Variants in TMCC1 observed in about 807,000 individuals in gnomAD.
TMCC1 encodes the protein transmembrane and coiled-coil domain family 1.
A neutral mutation model predicts 52.4 loss-of-function variants in TMCC1; 15 were observed. That is an observed-to-expected ratio of 0.29 (90% CI 0.19 to 0.44). The LOEUF (loss-of-function observed/expected upper bound fraction) is 0.44. TMCC1 is among the 20% of genes least tolerant of loss of function. The pLI, the probability that TMCC1 is intolerant of heterozygous loss-of-function variation, is 1.00. For missense variants in TMCC1, 503 were observed against 806.0 expected (o/e 0.62, Z 4.55); for synonymous variants, 279 against 301.9 (o/e 0.92, Z 0.79).
chr3:129,878,559 C>T (rs997873387), intron 2 of TMCC1, among the ~76,000 whole-genome samples: 10 of 152,308 alleles, frequency 6.6e-5, no homozygotes, highest in African/African-American at 2.4e-4. Context: ...ACCTTGATTA[C>T]AGTAATAGGC....
chr3:129,875,127 G>A (rs553019217), intron 2 of TMCC1, among the ~76,000 whole-genome samples: 3 of 151,768 alleles, frequency 2.0e-5, no homozygotes, highest in Non-Finnish European at 4.4e-5. Flanking sequence ...ATCTAAGGTA[G>A]GCGGATCACT....
intron 4 of TMCC1, among the ~76,000 whole-genome samples, chr3:129,681,467 G>A (rs2088975309): frequency 6.6e-6 from 1 of 151,594 alleles, no homozygotes. Flanking sequence ...TTTTCAGTAG[G>A]GAACTAACAT....
At chr3:129,840,326 CAAAAAAAAA>C (rs368685429) in intron 2 of TMCC1, among the ~76,000 whole-genome samples, 1 of 88,292 alleles carries the variant, frequency 1.1e-5, no homozygotes, top group Non-Finnish European at 2.0e-5. Context: ...GAACCTGTCT[CAAAAAAAAA>C]AAAAAAAAAG....
chr3:129,827,728 A>G, intron 4 of TMCC1, 75 bp downstream of exon 4: 1 of 1,502,216 alleles, frequency 6.7e-7, no homozygotes. Flanking sequence ...CTTTTTAGTT[A>G]CCAAAGGAAA....
chr3:129,675,861 C>T (rs555396518), intron 4 of TMCC1, among the ~76,000 whole-genome samples: 29 of 151,908 alleles, frequency 1.9e-4, no homozygotes, highest in Admixed American at 1.6e-3. Context: ...CACGGTGAAA[C>T]CCCATCTCTA....
chr3:129,875,361 C>T (rs1158833004), intron 2 of TMCC1, among the ~76,000 whole-genome samples: 2 of 151,344 alleles, frequency 1.3e-5, no homozygotes, highest in African/African-American at 2.4e-5. Context: ...GTGAGGTAGC[C>T]GGCGCCTGTA....
At position 129,721,689 on chromosome 3, in the gene TMCC1, A is replaced by G. The variant is rs914113102; in HGVS notation, c.577-50425T>C. Reference sequence around the variant, plus strand: ...TCCTGGCTAACACCGTGAAACCCCAACTCTACTAAAAATACAAAAAAAAAA... The same window carrying G: ...TCCTGGCTAACACCGTGAAACCCCAGCTCTACTAAAAATACAAAAAAAAAA... On this transcript the variant is annotated intron_variant, in intron 4 of 6. Transcript: ENST00000393238. Among the ~76,000 whole-genome samples, 4 of 138,858 alleles carry G rather than the reference A, an allele frequency of 2.9e-5. No homozygotes were observed. The South Asian group carries it at 7.1e-4, about 25-fold the overall frequency. The allele number at this position is 138,858 out of a possible 152,430, so 91.1% of individuals were successfully genotyped here.
At chr3:129,709,131 A>G (rs2048456060) in intron 4 of TMCC1, among the ~76,000 whole-genome samples, 1 of 152,130 alleles carries the variant, frequency 6.6e-6, no homozygotes, top group Admixed American at 6.6e-5. Flanking sequence ...ACTAAACTTG[A>G]GCATTACAGT....
rs1311406403 is a variant in TMCC1, at chr3:129,880,463, T to C, written c.-338A>G. 6.6e-6 allele frequency: 1 copy of C among 152,208 alleles called. No individual in the cohort carries two copies. The highest frequency in any genetic ancestry group is 1.5e-5 in the Non-Finnish European group (1 of 68,032). The allele number at this position is 152,208 out of a possible 1,614,324, so 9.4% of individuals were successfully genotyped here. A position where few individuals can be genotyped will look rare whatever the true frequency, so the allele number is the denominator to read the frequency against. On this transcript the variant is annotated 5_prime_UTR_variant, in exon 2 of 7. Transcript: ENST00000393238. ...ATCCAATCTGGGAGGATGGACACTG[T>C]GTCTTCTAAATCTTGTGACCAAAGG...
chr3:129,860,440 T>C (rs1462342456), intron 2 of TMCC1, among the ~76,000 whole-genome samples: 1 of 152,054 alleles, frequency 6.6e-6, no homozygotes, highest in Admixed American at 6.5e-5. Flanking sequence ...AAACGGGTAA[T>C]AGTACATACA....
intron 4 of TMCC1, among the ~76,000 whole-genome samples, chr3:129,684,513 C>A (rs553459909): frequency 2.0e-5 from 3 of 152,006 alleles, no homozygotes; most frequent in Non-Finnish European, 4.4e-5. Flanking sequence ...ATCTTAAATG[C>A]CAACAATGAC....
Position 129,701,540 on chromosome 3 carries a change from G to A in TMCC1, c.577-30276C>T, listed in dbSNP as rs2047835991. Among the ~76,000 whole-genome samples, 4 of 152,196 alleles carry A rather than the reference G, an allele frequency of 2.6e-5. No homozygotes were observed. The South Asian group carries it at 8.3e-4, about 31-fold the overall frequency. On this transcript the variant is annotated intron_variant, in intron 4 of 6. Coordinates refer to ENST00000393238, the MANE Select transcript of TMCC1 (RefSeq NM_001017395.5). The stretch of plus-strand genomic sequence containing the variant: ...AAGTTTAAAATCTTTTGAAATTACT[G>A]TGGTCATATGAATATATAAATAAGG...
chr3:129,677,988 A>G (rs1435645765), intron 4 of TMCC1, among the ~76,000 whole-genome samples: 2 of 152,172 alleles, frequency 1.3e-5, no homozygotes, highest in Non-Finnish European at 2.9e-5. Context: ...GTGCAGTAGC[A>G]TGATCTTGGC....
intron 4 of TMCC1, among the ~76,000 whole-genome samples, chr3:129,674,552 G>GA (rs1043785088): frequency 1.3e-5 from 2 of 152,010 alleles, no homozygotes; most frequent in African/African-American, 4.8e-5. Context: ...AAGGAGAGAG[G>GA]AAAAAACCAG....
intron 1 of TMCC1, among the ~76,000 whole-genome samples, chr3:129,881,227 C>T (rs915045138): frequency 2.0e-5 from 3 of 152,146 alleles, no homozygotes; most frequent in East Asian, 1.9e-4. Context: ...CCAGTGACCA[C>T]GCCCAGCTGG....
Position 129,753,892 on chromosome 3 carries a change from G to T in TMCC1, c.576+73911C>A, listed in dbSNP as rs534765693. On this transcript the variant is annotated intron_variant, in intron 4 of 6. Coordinates refer to ENST00000393238, the MANE Select transcript of TMCC1 (RefSeq NM_001017395.5). ...AGAAAGCATACAGATGACAAAGAAA[G>T]AAATAAAACTCTATTCATAAGTAAT... is the stretch of plus-strand genomic sequence containing the variant. Among the ~76,000 whole-genome samples, 25 of 142,668 alleles carry T rather than the reference G, an allele frequency of 1.8e-4. No individual in the cohort carries two copies. In the East Asian group the frequency reaches 2.3e-3, roughly 13 times the overall value. 93.6% of individuals were successfully genotyped at this position (142,668 alleles called of 152,430 possible). A position where few individuals can be genotyped will look rare whatever the true frequency, so the allele number is the denominator to read the frequency against.
chr3:129,840,326 CAAAAAAAA>C (rs368685429), intron 2 of TMCC1, among the ~76,000 whole-genome samples: 1 of 88,292 alleles, frequency 1.1e-5, no homozygotes, highest in South Asian at 4.4e-4. Flanking sequence ...GAACCTGTCT[CAAAAAAAA>C]AAAAAAAAAA....
intron 2 of TMCC1, among the ~76,000 whole-genome samples, chr3:129,861,556 G>A (rs755570078): frequency 1.3e-5 from 2 of 152,116 alleles, no homozygotes; most frequent in Non-Finnish European, 2.9e-5. Context: ...TTAAAAAACA[G>A]AGAAAGAATT....
At chr3:129,808,951 T>C (rs1164614028) in intron 4 of TMCC1, among the ~76,000 whole-genome samples, 1 of 149,730 alleles carries the variant, frequency 6.7e-6, no homozygotes, top group East Asian at 1.9e-4. Context: ...AAGAAACTTG[T>C]TTCTGAGAGC....
Sources: gnomAD v4.1 joint callset for allele counts (sites outside exome capture counted in the v4.1 genomes callset) on GRCh38, gnomAD v4.1.1 for gene constraint, MANE v1.5 for transcripts, NCBI Gene and HGNC (gene_info 2026-07-23, HGNC 2026-07-21) for gene names.